PTPRB: variants seen among roughly 807,000 people sequenced by gnomAD.
PTPRB encodes protein tyrosine phosphatase receptor type B.
Under a neutral mutation model 238.1 loss-of-function variants are expected in PTPRB, and 97 were observed. The ratio of observed to expected loss-of-function variants is 0.41; its 90% CI spans 0.35 to 0.48. The LOEUF is 0.48. Among genes scored for constraint, PTPRB ranks in the 20% least tolerant of loss-of-function variants. The pLI is 0.30. For missense variants in PTPRB, 2,292 were observed against 2,681.9 expected, an observed-to-expected ratio of 0.85 and a Z score of 3.21; for synonymous variants, 970 against 995.4, an observed-to-expected ratio of 0.97 and a Z score of 0.48.
In PTPRB at chr12:70,609,790, C is replaced by T. The variant is rs776072178; in HGVS notation, c.709-451G>A. ...AGCAGGCTCAGTGTGATCCACAAGG[C>T]CAACCCGGCTCCATGGCTCAGCATT... On this transcript the variant is annotated intron_variant, in intron 3 of 33. Coordinates refer to ENST00000334414, the MANE Select transcript of PTPRB (RefSeq NM_001109754.4). 8.2e-6 allele frequency: 13 copies of T among 1,587,872 alleles called. No individual in the cohort carries two copies. In the African/African-American group the frequency reaches 1.6e-4, roughly 20 times the overall value.
Position 70,534,607 on chromosome 12 carries a change from A to G in PTPRB, c.6249T>C (p.Tyr2083=), listed in dbSNP as rs1873804291. ...DAHRLIRHFH[Y]TVWPDHGVPE... ...GGACTCCATGGTCTGGCCACACCGT[A>G]TAGTGAAAGTGGCGGATGAGTCTGT... is the stretch of plus-strand genomic sequence containing the variant. Residue 2083 remains tyrosine, a synonymous_variant, in exon 31 of 34, where the codon TAT becomes TAC. Transcript: ENST00000334414. 11 of 1,613,126 alleles carry G rather than the reference A, an allele frequency of 6.8e-6. No individual in the cohort carries two copies. The highest frequency in any genetic ancestry group is 8.5e-6 in the Non-Finnish European group (10 of 1,179,572).
chr12:70,560,214 G>C lies in PTPRB; in HGVS notation c.4432+457C>G, dbSNP rs1289762786. ...GTGGAGCATGAGTGTGCCCTGAATG[G>C]GTTACAAGTGTGTGAAGATATTAAT... On this transcript the variant is annotated intron_variant, in intron 17 of 33. Coordinates refer to ENST00000334414, the MANE Select transcript of PTPRB (RefSeq NM_001109754.4). The surrounding 1 kb of genome is among the most constrained non-coding windows in gnomAD (Gnocchi z 4.2). Among the ~76,000 whole-genome samples, 2 of 152,094 alleles carry C rather than the reference G, an allele frequency of 1.3e-5. No individual in the cohort carries two copies. The highest frequency in any genetic ancestry group is 2.9e-5 in the Non-Finnish European group (2 of 68,016).
chr12:70,536,143 C>T lies in PTPRB; in HGVS notation c.5963G>A (p.Arg1988Lys). Residue 1988 changes from arginine (R) to lysine (K), a missense_variant, in exon 29 of 34, where the codon AGA becomes AAA. Around this residue, in one of 4 missense-constraint regions of PTPRB, gnomAD observed 397 missense variants for 502.0 expected, o/e 0.79. Coordinates refer to ENST00000334414, the MANE Select transcript of PTPRB (RefSeq NM_001109754.4). ...ASYIPGNNFR[R>K]EYIVTQGPLP... is the part of the protein sequence containing the mutation. ...CGGTCCCTGAGTGACAATGTATTCT[C>T]TTCTGAAGTTGTTGCCCTGCAATGA... 1 of 1,613,492 alleles carries T rather than the reference C, an allele frequency of 6.2e-7. No individual in the cohort carries two copies. Among genetic ancestry groups the T allele is most frequent in the Non-Finnish European group, 8.5e-7 (1 of 1,179,648 alleles).
intron 3 of PTPRB, among the ~76,000 whole-genome samples, chr12:70,610,961 G>A (rs1051463439): frequency 1.3e-5 from 2 of 152,086 alleles, no homozygotes; most frequent in Non-Finnish European, 2.9e-5. Flanking sequence ...GTACCCAAAC[G>A]GTTATTTATC....
intron 4 of PTPRB, among the ~76,000 whole-genome samples, chr12:70,604,503 T>G (rs1457936573): frequency 1.3e-5 from 2 of 152,192 alleles, no homozygotes; most frequent in Non-Finnish European, 2.9e-5. Flanking sequence ...ATTCTAATTC[T>G]TTCCATGTGG....
At chr12:70,615,499 T>G (rs1884639215) in intron 3 of PTPRB, among the ~76,000 whole-genome samples, 1 of 152,220 alleles carries the variant, frequency 6.6e-6, no homozygotes, top group Admixed American at 6.5e-5. Context: ...TCCCCTACTT[T>G]TTATTTTGTT....
chr12:70,564,661 G>A (rs1878996112), intron 15 of PTPRB, among the ~76,000 whole-genome samples: 1 of 151,672 alleles, frequency 6.6e-6, no homozygotes, highest in Non-Finnish European at 1.5e-5. Flanking sequence ...GAGAAACCCT[G>A]TGTCTACAAG....
Position 70,592,530 on chromosome 12 carries a change from G to A in PTPRB, c.1532C>T (p.Ser511Leu), listed in dbSNP as rs1565988597. ...GCCATCATTTGTCACCTTCAGATTT[G>A]AGACTTCCATGGGGGCTAATCAGGA... Reference protein sequence around the residue: ...KLVRTAPMEVSNLKVTNDGSL... With the variant: ...KLVRTAPMEVLNLKVTNDGSL... Residue 511 changes from serine (S) to leucine (L), a missense_variant, in exon 7 of 34, where the codon TCA (serine) becomes TTA (leucine). Ser to Leu is a moderately radical substitution (Grantham distance 145, BLOSUM62 -2). This residue lies in a region of PTPRB where 1,205 missense variants were observed against 1,287.8 expected (regional missense o/e 0.94). Coordinates refer to ENST00000334414, the MANE Select transcript of PTPRB (RefSeq NM_001109754.4). 1 of 1,613,652 alleles carries A rather than the reference G, an allele frequency of 6.2e-7. No homozygotes were observed.
chr12:70,571,868 T>C lies in PTPRB; in HGVS notation c.3062A>G (p.Lys1021Arg), dbSNP rs773054860. The change falls in exon 12 of 34, where the codon AAA becomes AGA. Residue 1021 changes from lysine (K) to arginine (R), a missense_variant. Around this residue, in one of 4 missense-constraint regions of PTPRB, gnomAD observed 1,205 missense variants for 1,287.8 expected, o/e 0.94. Transcript: ENST00000334414. ...TTCATTGGCTTCATATTGTCCACTTTTTGTAGTAACAGTGACACTGTACAA... is the reference window on the plus strand; with the variant it reads ...TTCATTGGCTTCATATTGTCCACTTCTTGTAGTAACAGTGACACTGTACAA... ...GRLYSVTVTT[K>R]SGQYEANEQG... The C allele has an allele frequency of 6.2e-7, 1 of 1,614,006 alleles. No individual in the cohort carries two copies. Among genetic ancestry groups the C allele is most frequent in the South Asian group, 1.1e-5 (1 of 91,070 alleles).
intron 32 of PTPRB, among the ~76,000 whole-genome samples, chr12:70,527,960 G>A (rs561529486): frequency 6.6e-6 from 1 of 152,224 alleles, no homozygotes; most frequent in East Asian, 1.9e-4. Flanking sequence ...GATGATACTA[G>A]GTTGATGCAA....
At chr12:70,570,508 G>C (rs570834831) in intron 13 of PTPRB, among the ~76,000 whole-genome samples, 2 of 151,800 alleles carry the variant, frequency 1.3e-5, no homozygotes, top group Admixed American at 6.6e-5. Context: ...CACCGTGCCC[G>C]GCTAATTTTT....
At chr12:70,573,541 C>G (rs1880354629) in intron 11 of PTPRB, among the ~76,000 whole-genome samples, 3 of 138,698 alleles carry the variant, frequency 2.2e-5, no homozygotes, top group South Asian at 2.3e-4. Context: ...GAATCTCACT[C>G]TCTTGCCCGG....
intron 21 of PTPRB, among the ~76,000 whole-genome samples, chr12:70,547,698 G>T (rs1168393848): frequency 6.6e-6 from 1 of 151,670 alleles, no homozygotes; most frequent in East Asian, 1.9e-4. Context: ...TTACAGATGG[G>T]GTTTTGCCAT....
At chr12:70,548,805 G>A (rs879766829) in intron 21 of PTPRB, among the ~76,000 whole-genome samples, 6 of 152,080 alleles carry the variant, frequency 3.9e-5, no homozygotes, top group Non-Finnish European at 7.4e-5. Context: ...TTTGAAACTG[G>A]ACTGTTTGTT....
intron 31 of PTPRB, among the ~76,000 whole-genome samples, chr12:70,534,210 A>G (rs1372416579): frequency 1.3e-5 from 2 of 152,164 alleles, no homozygotes; most frequent in Non-Finnish European, 2.9e-5. Flanking sequence ...AGGACTTTGC[A>G]TTTCAGAAAG....
chr12:70,627,202 G>T (rs973069097), intron 2 of PTPRB, among the ~76,000 whole-genome samples: 1 of 152,122 alleles, frequency 6.6e-6, no homozygotes, highest in Non-Finnish European at 1.5e-5. Flanking sequence ...AGGGTGGAAG[G>T]AAGGCATGCT....
chr12:70,619,544 G>T (rs866617847), intron 3 of PTPRB, among the ~76,000 whole-genome samples: 1 of 152,108 alleles, frequency 6.6e-6, no homozygotes, highest in African/African-American at 2.4e-5. Context: ...GCCTCAAAAG[G>T]CTTGTAGCTT....
intron 33 of PTPRB, among the ~76,000 whole-genome samples, chr12:70,523,235 G>C (rs1871876626): frequency 6.6e-6 from 1 of 151,208 alleles, no homozygotes; most frequent in Non-Finnish European, 1.5e-5. Context: ...GCTCACTGTA[G>C]CCTTCAACTC....
chr12:70,566,223 A>G (rs1879275292), intron 15 of PTPRB, among the ~76,000 whole-genome samples: 1 of 152,234 alleles, frequency 6.6e-6, no homozygotes, highest in Non-Finnish European at 1.5e-5. Flanking sequence ...TAGCACCAAT[A>G]TTAATGAAAA....
Sources: gnomAD v4.1 joint callset for allele counts (sites outside exome capture counted in the v4.1 genomes callset) on GRCh38, gnomAD v4.1.1 for gene constraint, gnomAD v4.1.1 regional missense constraint, Gnocchi (gnomAD v3.1) non-coding constraint, MANE v1.5 for transcripts, NCBI Gene and HGNC (gene_info 2026-07-23, HGNC 2026-07-21) for gene names.